Variants in NEO1 observed in about 807,000 individuals in gnomAD.
NEO1 encodes the protein neogenin.
Under a neutral mutation model 159.7 loss-of-function variants are expected in NEO1, and 63 were observed. That is an observed-to-expected ratio of 0.39 (90% CI 0.32 to 0.49). The LOEUF (loss-of-function observed/expected upper bound fraction) is 0.49. Ranked by LOEUF, NEO1 falls within the 20% of genes least tolerant of loss-of-function variation. NEO1 has a pLI of 0.85. For synonymous variants in NEO1, 633 were observed against 662.0 expected (o/e 0.96, Z 0.67); for missense variants, 1,615 against 1,831.0 (o/e 0.88, Z 2.15).
intron 1 of NEO1, among the ~76,000 whole-genome samples, chr15:73,095,422 TCTGTA>T (rs2069960625): frequency 6.6e-6 from 1 of 152,190 alleles, no homozygotes; most frequent in Non-Finnish European, 1.5e-5. Flanking sequence ...TTTGCTGACT[TCTGTA>T]CCGTTTACTT....
intron 1 of NEO1, among the ~76,000 whole-genome samples, chr15:73,093,732 C>CA: frequency 6.6e-6 from 1 of 152,224 alleles, no homozygotes; most frequent in East Asian, 1.9e-4. Context: ...CACTACCAAC[C>CA]ACGCCTGGCT....
intron 26 of NEO1, 27 bp downstream of exon 26, chr15:73,293,575 G>T (rs1350833378): frequency 6.2e-7 from 1 of 1,600,568 alleles, no homozygotes. Context: ...AAGCCCAGAT[G>T]GAAACCATTC....
chr15:73,225,267 T>C (rs183245838), intron 7 of NEO1, among the ~76,000 whole-genome samples: 5 of 152,270 alleles, frequency 3.3e-5, no homozygotes, highest in Middle Eastern at 3.4e-3. Flanking sequence ...TGCTCTATTT[T>C]TGTGCTGGTT....
intron 18 of NEO1, 84 bp downstream of exon 18, chr15:73,270,538 A>G: frequency 7.0e-7 from 1 of 1,422,118 alleles, no homozygotes; most frequent in Non-Finnish European, 9.4e-7. Flanking sequence ...ATATTTACAA[A>G]ACACAGTGAG....
intron 25 of NEO1, among the ~76,000 whole-genome samples, chr15:73,291,760 T>C (rs2042173395): frequency 1.3e-5 from 2 of 152,338 alleles, no homozygotes; most frequent in South Asian, 4.1e-4. Flanking sequence ...ACATTCACAC[T>C]GCTTTATTTT....
In NEO1 at chr15:73,133,244, C is replaced by A. The variant is rs118006360; in HGVS notation, c.879-2647C>A. Among the ~76,000 whole-genome samples the A allele has an allele frequency of 6.9e-3, 1,057 of 152,168 alleles. 11 individuals are homozygous for A. The highest frequency in any genetic ancestry group is 0.012 in the Non-Finnish European group (805 of 68,006). ...TAAAAAGGAATGAAATAACACCATTCACAGCAACCTGGATTGAATGGGAGA... is the reference window on the plus strand; with the variant it reads ...TAAAAAGGAATGAAATAACACCATTAACAGCAACCTGGATTGAATGGGAGA... On this transcript the variant is annotated intron_variant, in intron 4 of 28. Transcript: ENST00000261908.
chr15:73,234,241 A>G (rs2039059410), intron 7 of NEO1, among the ~76,000 whole-genome samples: 1 of 152,218 alleles, frequency 6.6e-6, no homozygotes, highest in African/African-American at 2.4e-5. Context: ...TTTTAATTTT[A>G]CAATAATCGG....
chr15:73,290,628 A>G (rs2042130564), intron 25 of NEO1, among the ~76,000 whole-genome samples: 1 of 152,200 alleles, frequency 6.6e-6, no homozygotes. Flanking sequence ...AATAGTTGAA[A>G]TTCAAAATAA....
At chr15:73,294,858 C>A (rs938159010) in intron 26 of NEO1, among the ~76,000 whole-genome samples, 9 of 151,998 alleles carry the variant, frequency 5.9e-5, no homozygotes, top group Admixed American at 2.0e-4. Context: ...TTCAAGTTTT[C>A]ATCAATCATA....
chr15:73,123,326 T>G (rs914528703), intron 3 of NEO1, among the ~76,000 whole-genome samples: 2 of 152,200 alleles, frequency 1.3e-5, no homozygotes, highest in African/African-American at 4.8e-5. Flanking sequence ...CACTGTCTAA[T>G]GGTATTCTTC....
intron 26 of NEO1, among the ~76,000 whole-genome samples, chr15:73,296,212 G>A (rs2151165000): frequency 6.6e-6 from 1 of 152,246 alleles, no homozygotes; most frequent in South Asian, 2.1e-4. Context: ...GCCCAGAGCT[G>A]ACCTAACATA....
chr15:73,112,430 A>AT lies in NEO1; in HGVS notation c.131-4101dup, dbSNP rs1034022045. On this transcript the variant is annotated intron_variant, in intron 1 of 28. Transcript: ENST00000261908. ...TTGTTATGGTATTTTGCCATAAAAAATTTTTTTTTAATGCAATAAAGTAAA... is the reference window on the plus strand; with the variant it reads ...TTGTTATGGTATTTTGCCATAAAAAATTTTTTTTTTAATGCAATAAAGTAAA... Among the ~76,000 whole-genome samples, 6 of 151,384 alleles carry AT rather than the reference A, an allele frequency of 4.0e-5. No homozygotes were observed. In the East Asian group the frequency reaches 7.7e-4, roughly 19 times the overall value.
At chr15:73,199,263 A>G (rs2036718120) in intron 7 of NEO1, among the ~76,000 whole-genome samples, 1 of 151,672 alleles carries the variant, frequency 6.6e-6, no homozygotes, top group Admixed American at 6.6e-5. Context: ...TGTTCTCATC[A>G]CATCACATTG....
At chr15:73,134,212 T>C (rs565421985) in intron 4 of NEO1, among the ~76,000 whole-genome samples, 67 of 152,352 alleles carry the variant, frequency 4.4e-4, no homozygotes, top group African/African-American at 1.5e-3. Flanking sequence ...TCCTGCTCTA[T>C]TCCATTATAT....
intron 5 of NEO1, among the ~76,000 whole-genome samples, chr15:73,142,671 C>G (rs917568903): frequency 1.3e-5 from 2 of 152,286 alleles, no homozygotes; most frequent in Non-Finnish European, 2.9e-5. Context: ...TCCCCATCCC[C>G]ACCTCAGTTT....
rs190582612 is a variant in NEO1, at chr15:73,249,225, C to A, written c.1755+17C>A. 3 of 1,612,270 alleles carry A rather than the reference C, an allele frequency of 1.9e-6. No individual in the cohort carries two copies. The African/African-American group carries it at 4.0e-5, about 22-fold the overall frequency. ...AAAGAACAGGTATGAAGTGAAGCAA[C>A]TTTTCAAACCATTGATTGGAATAGT... On this transcript the variant is annotated intron_variant, in intron 10 of 28. Coordinates refer to ENST00000261908, the MANE Select transcript of NEO1 (RefSeq NM_002499.4).
At chr15:73,090,043 G>A (rs966947566) in intron 1 of NEO1, among the ~76,000 whole-genome samples, 6 of 152,066 alleles carry the variant, frequency 3.9e-5, no homozygotes, top group South Asian at 2.1e-4. Flanking sequence ...TTACCTGTTT[G>A]GTTTATGTTC....
chr15:73,160,647 T>G (rs1175074859), intron 5 of NEO1, among the ~76,000 whole-genome samples: 1 of 152,150 alleles, frequency 6.6e-6, no homozygotes, highest in Non-Finnish European at 1.5e-5. Context: ...GGGAAATGCT[T>G]ACTTAAATTT....
At chr15:73,125,005 T>C (rs2029990789) in intron 3 of NEO1, among the ~76,000 whole-genome samples, 1 of 152,244 alleles carries the variant, frequency 6.6e-6, no homozygotes, top group Non-Finnish European at 1.5e-5. Flanking sequence ...TCACTTGCTT[T>C]TACATGACAG....
Sources: allele counts gnomAD v4.1 joint callset (sites outside exome capture counted in the v4.1 genomes callset), GRCh38; gene constraint gnomAD v4.1.1; transcripts MANE v1.5; gene names NCBI Gene and HGNC (gene_info 2026-07-23, HGNC 2026-07-21).